Variants in UBQLN1 observed in about 807,000 individuals in gnomAD.
The protein encoded by UBQLN1 is ubiquilin 1, also known as ubiquilin-1.
UBQLN1 carries 13 observed loss-of-function variants against 65.4 expected under a neutral mutation model. That is an observed-to-expected ratio of 0.20 (90% confidence interval 0.13 to 0.32). UBQLN1 has a LOEUF of 0.32. Ranked by LOEUF, UBQLN1 falls within the 10% of genes least tolerant of loss-of-function variation. UBQLN1 has a pLI of 1.00. For missense variants in UBQLN1, 561 were observed against 724.0 expected, an observed-to-expected ratio of 0.77 and a Z score of 2.58; for synonymous variants, 267 against 247.8, an observed-to-expected ratio of 1.08 and a Z score of -0.73.
chr9:83,703,279 C>T (rs1270538321), intron 1 of UBQLN1, among the ~76,000 whole-genome samples: 2 of 152,052 alleles, frequency 1.3e-5, no homozygotes, highest in African/African-American at 2.4e-5. Flanking sequence ...ATCTGAAATG[C>T]TCCAAAATCT....
intron 2 of UBQLN1, among the ~76,000 whole-genome samples, chr9:83,683,930 A>G (rs1831993490): frequency 1.3e-5 from 2 of 152,066 alleles, no homozygotes; most frequent in African/African-American, 4.8e-5. Flanking sequence ...CTGAGGCAGG[A>G]AGACTACTTG....
At chr9:83,692,445 G>A (rs1453074440) in intron 1 of UBQLN1, among the ~76,000 whole-genome samples, 1 of 152,178 alleles carries the variant, frequency 6.6e-6, no homozygotes, top group African/African-American at 2.4e-5. Flanking sequence ...AAACTAAATA[G>A]TATTGATATG....
intron 2 of UBQLN1, among the ~76,000 whole-genome samples, chr9:83,683,448 A>T (rs572809466): frequency 7.0e-4 from 106 of 151,616 alleles, no homozygotes; most frequent in African/African-American, 2.4e-3. Flanking sequence ...AACCACTGAA[A>T]TCCTGACATC....
rs528536464 is a variant in UBQLN1 at position 83,666,359 on chromosome 9, G to C, written c.1323C>G (p.Phe441Leu). The change falls in exon 8 of 11, where the codon TTC becomes TTG. Residue 441 changes from phenylalanine (F) to leucine (L), a missense_variant. Physicochemically the swap from Phe to Leu is conservative, Grantham distance 22. Transcript: ENST00000376395. ...QEQMRQQLPT[F>L]LQQMQNPDTL... ...ATCTTGTCTTACTCACTTGTTGGAG[G>C]AAAGTTGGGAGCTGTTGTCTCATTT... is the stretch of plus-strand genomic sequence containing the variant. The C allele has an allele frequency of 6.2e-7, 1 of 1,613,858 alleles. No homozygotes were observed. The highest frequency in any genetic ancestry group is 8.5e-7 in the Non-Finnish European group (1 of 1,179,788).
At chr9:83,666,898 G>C (rs375596467) in intron 7 of UBQLN1, 1 of 153,230 alleles carries the variant, frequency 6.5e-6, no homozygotes, top group Non-Finnish European at 1.5e-5. Flanking sequence ...ATCTGAAAAG[G>C]ACCACTACAT....
intron 1 of UBQLN1, among the ~76,000 whole-genome samples, chr9:83,707,234 T>C (rs966141557): frequency 4.6e-5 from 7 of 151,968 alleles, no homozygotes; most frequent in African/African-American, 1.7e-4. Context: ...GGGAGGAGGC[T>C]GAGGGTCGGC....
At chr9:83,676,359 T>C (rs535307831) in intron 6 of UBQLN1, among the ~76,000 whole-genome samples, 45 of 152,332 alleles carry the variant, frequency 3.0e-4, no homozygotes, top group African/African-American at 1.1e-3. Context: ...TTTGGTTTTT[T>C]AGACAAAAGT....
chr9:83,684,680 G>A (rs917051464), intron 2 of UBQLN1, among the ~76,000 whole-genome samples: 3 of 151,998 alleles, frequency 2.0e-5, no homozygotes, highest in East Asian at 2.0e-4. Flanking sequence ...GCGTGGTGGC[G>A]CATGCCTGTA....
intron 1 of UBQLN1, among the ~76,000 whole-genome samples, chr9:83,702,580 T>C (rs1281050440): frequency 2.0e-5 from 3 of 152,214 alleles, no homozygotes; most frequent in Non-Finnish European, 4.4e-5. Context: ...AATTTTGATA[T>C]TTTACTTAAC....
intron 6 of UBQLN1, among the ~76,000 whole-genome samples, chr9:83,675,123 A>C (rs1169669326): frequency 6.6e-6 from 1 of 152,170 alleles, no homozygotes; most frequent in African/African-American, 2.4e-5. Flanking sequence ...CAACTTCATG[A>C]ATTTTTATTA....
chr9:83,666,490 C>A, intron 7 of UBQLN1, 57 bp from the exon 8 acceptor site: 1 of 1,531,532 alleles, frequency 6.5e-7, no homozygotes, highest in East Asian at 2.3e-5. Context: ...AAGTAATGTA[C>A]CTTGTTTTAT....
At chr9:83,674,371 C>G (rs1003814835) in intron 6 of UBQLN1, among the ~76,000 whole-genome samples, 1 of 152,094 alleles carries the variant, frequency 6.6e-6, no homozygotes, top group Non-Finnish European at 1.5e-5. Flanking sequence ...GCCGGACCAA[C>G]CACTCATCAC....
Position 83,660,444 on chromosome 9 carries a change from ACC to A in UBQLN1, c.*1341_*1342del, listed in dbSNP as rs879580672. ...GTTTTAATTGGTCCTAAAGGAATGTACCACCCCAACAGTTTGGGAGTTAGGCA... is the reference window on the plus strand; with the variant it reads ...GTTTTAATTGGTCCTAAAGGAATGTAACCCCAACAGTTTGGGAGTTAGGCA... On this transcript the variant is annotated 3_prime_UTR_variant, in exon 11 of 11. Transcript: ENST00000376395. 5.2e-5 allele frequency: 8 copies of A among 152,610 alleles called. No homozygotes were observed. Among genetic ancestry groups the A allele is most frequent in the Non-Finnish European group, 1.0e-4 (7 of 68,030 alleles). The allele number at this position is 152,610 out of a possible 1,614,324, so 9.5% of individuals were successfully genotyped here.
At chr9:83,685,581 C>A (rs1009896767) in intron 2 of UBQLN1, among the ~76,000 whole-genome samples, 22 of 150,778 alleles carry the variant, frequency 1.5e-4, no homozygotes, top group Non-Finnish European at 3.1e-4. Flanking sequence ...ATCACTTGAG[C>A]CCAGCCTGGG....
intron 4 of UBQLN1, among the ~76,000 whole-genome samples, 175 bp from the exon 5 acceptor site, chr9:83,678,774 T>C (rs34137474): frequency 1.3e-5 from 2 of 152,276 alleles, no homozygotes; most frequent in Non-Finnish European, 2.9e-5. Flanking sequence ...TGGAGTGCAG[T>C]GGCATGATCT....
At chr9:83,669,542 CATTCTGCATTTACAGTA>C (rs1271775594) in intron 6 of UBQLN1, among the ~76,000 whole-genome samples, 1 of 152,132 alleles carries the variant, frequency 6.6e-6, no homozygotes, top group Non-Finnish European at 1.5e-5. Flanking sequence ...TGAGTTTAAA[CATTCTGCATTTACAGTA>C]AAATCTTGTC....
intron 1 of UBQLN1, among the ~76,000 whole-genome samples, chr9:83,701,080 A>T (rs915738024): frequency 1.3e-5 from 2 of 152,268 alleles, no homozygotes; most frequent in African/African-American, 2.4e-5. Context: ...CCACCACAGA[A>T]ATTTTTGCTC....
chr9:83,663,994 T>C lies in UBQLN1; in HGVS notation c.1498A>G (p.Thr500Ala). Residue 500 changes from threonine to alanine, a missense_variant, in exon 10 of 11, where the codon ACT becomes GCT. Physicochemically the swap from Thr to Ala is moderately conservative, Grantham distance 58. Transcript: ENST00000376395. ...ALGSTGGSSG[T>A]NGSNATPSEN... ...CTAGGTGTGGCGTTAGATCCATTAGTTCCCGAAGAGCCTCCAGTGCTTCCT... is the reference window on the plus strand; with the variant it reads ...CTAGGTGTGGCGTTAGATCCATTAGCTCCCGAAGAGCCTCCAGTGCTTCCT... 2.5e-6 allele frequency: 4 copies of C among 1,614,158 alleles called. No individual in the cohort carries two copies. Among genetic ancestry groups the C allele is most frequent in the Admixed American group, 1.7e-5 (1 of 60,018 alleles).
chr9:83,666,020 A>C (rs1831638013), intron 8 of UBQLN1, among the ~76,000 whole-genome samples: 1 of 152,246 alleles, frequency 6.6e-6, no homozygotes, highest in African/African-American at 2.4e-5. Context: ...TTAAACCATA[A>C]AGCGTAACAT....
Sources: gnomAD v4.1 joint callset for allele counts (sites outside exome capture counted in the v4.1 genomes callset) on GRCh38, gnomAD v4.1.1 for gene constraint, MANE v1.5 for transcripts, NCBI Gene and HGNC (gene_info 2026-07-23, HGNC 2026-07-21) for gene names.